TRIM54: variants seen among roughly 807,000 people sequenced by gnomAD.
TRIM54 encodes tripartite motif-containing protein 54.
A neutral mutation model predicts 42.0 loss-of-function variants in TRIM54; 40 were observed. The ratio of observed to expected loss-of-function variants is 0.95; its 90% CI spans 0.74 to 1.24. The LOEUF (loss-of-function observed/expected upper bound fraction) is 1.24, where lower values mean the gene tolerates loss of function less well. Among genes scored for constraint, TRIM54 ranks in the 50% most tolerant of loss-of-function variants. The pLI, the probability that TRIM54 is intolerant of heterozygous loss-of-function variation, is 0.00. For synonymous variants in TRIM54, 199 were observed against 194.9 expected (o/e 1.02, Z -0.17); for missense variants, 485 against 480.3 (o/e 1.01, Z -0.09).
Position 27,304,959 on chromosome 2 carries a change from A to G in TRIM54, c.514A>G (p.Ser172Gly). ...GAGTGCTGACCTGTGTGTGTATCAG[A>G]GTGAGCTCAGCGATGGCATCGCGAT... ...PLPTIYKRQK[S>G]ELSDGIAMLV... Residue 172 changes from serine to glycine, a missense_variant and splice_region_variant, in exon 4 of 9, where the codon AGT (serine) becomes GGT (glycine). Transcript: ENST00000380075. 1 of 1,613,832 alleles carries G rather than the reference A, an allele frequency of 6.2e-7. No homozygotes were observed. The highest frequency in any genetic ancestry group is 8.5e-7 in the Non-Finnish European group (1 of 1,179,860).
At chr2:27,293,181 C>T (rs1363416269) in intron 1 of TRIM54, among the ~76,000 whole-genome samples, 1 of 152,172 alleles carries the variant, frequency 6.6e-6, no homozygotes, top group Non-Finnish European at 1.5e-5. Flanking sequence ...CTGCTTATCA[C>T]TCCCCTTTTA....
At chr2:27,285,991 G>A (rs1678546828) in intron 1 of TRIM54, among the ~76,000 whole-genome samples, 1 of 152,042 alleles carries the variant, frequency 6.6e-6, no homozygotes, top group Admixed American at 6.6e-5. Context: ...CACTTTGGGA[G>A]GCTGAGACAG....
chr2:27,306,975 G>A lies in TRIM54; in HGVS notation c.*90G>A, dbSNP rs1011125110. Reference sequence around the variant, plus strand: ...CCGCAGCATCACCCAAATCGGCGCCGGCCCCGGGAGGATCTCAATAAAGAA... The same window carrying A: ...CCGCAGCATCACCCAAATCGGCGCCAGCCCCGGGAGGATCTCAATAAAGAA... On this transcript the variant is annotated 3_prime_UTR_variant, in exon 9 of 9. Coordinates refer to ENST00000380075, the MANE Select transcript of TRIM54 (RefSeq NM_187841.3). This position sits in a 1 kb window ranked among gnomAD's most constrained non-coding sequence, Gnocchi z 6.1. 1.3e-5 allele frequency: 3 copies of A among 239,486 alleles called. No individual in the cohort carries two copies. Among genetic ancestry groups the A allele is most frequent in the Non-Finnish European group, 2.4e-5 (3 of 123,056 alleles). The allele number at this position is 239,486 out of a possible 1,614,324, so 14.8% of individuals were successfully genotyped here.
At chr2:27,283,784 GCACACACACACACACACA>G (rs3073589) in intron 1 of TRIM54, among the ~76,000 whole-genome samples, 1 of 132,168 alleles carries the variant, frequency 7.6e-6, no homozygotes, top group Admixed American at 7.6e-5. Flanking sequence ...ACACACGCGC[GCACACACACACACACACA>G]CACACACACA....
intron 1 of TRIM54, among the ~76,000 whole-genome samples, chr2:27,283,312 CA>C (rs1444032769): frequency 6.6e-6 from 1 of 152,090 alleles, no homozygotes; most frequent in Non-Finnish European, 1.5e-5. Flanking sequence ...AAAAAACAAA[CA>C]AACAAAACCC....
chr2:27,298,427 G>C, intron 1 of TRIM54, 140 bp from the exon 2 acceptor site: 1 of 654,796 alleles, frequency 1.5e-6, no homozygotes. Context: ...TCTCAGAGGT[G>C]GATCCAGCCA....
At chr2:27,290,210 TAAA>T (rs1362572005) in intron 1 of TRIM54, among the ~76,000 whole-genome samples, 1 of 152,040 alleles carries the variant, frequency 6.6e-6, no homozygotes, top group Non-Finnish European at 1.5e-5. Context: ...TTTTTTTAAT[TAAA>T]AAGTCTCCCA....
intron 5 of TRIM54, 26 bp downstream of exon 5, chr2:27,305,843 G>A (rs775946860): frequency 1.9e-5 from 30 of 1,542,074 alleles, no homozygotes; most frequent in South Asian, 7.1e-5. Context: ...GGGTGGCAGC[G>A]CTGCACAGTG....
chr2:27,283,993 C>G (rs546516887), intron 1 of TRIM54, among the ~76,000 whole-genome samples: 1 of 151,976 alleles, frequency 6.6e-6, no homozygotes, highest in African/African-American at 2.4e-5. Flanking sequence ...ATTAGCCGGG[C>G]GTGGTTGCAG....
chr2:27,300,452 G>A (rs1380862917), intron 3 of TRIM54, among the ~76,000 whole-genome samples: 13 of 150,558 alleles, frequency 8.6e-5, no homozygotes, highest in Admixed American at 2.0e-4. Flanking sequence ...GATTACAGGC[G>A]TGAGCCCCTG....
chr2:27,296,415 A>G (rs1372381195), intron 1 of TRIM54, among the ~76,000 whole-genome samples: 1 of 152,202 alleles, frequency 6.6e-6, no homozygotes, highest in East Asian at 1.9e-4. Flanking sequence ...AGTGGCAGAA[A>G]CCCCAGAATA....
In TRIM54 at chr2:27,283,786, A is replaced by G. The variant is rs796323586; in HGVS notation, c.168+887A>G. Among the ~76,000 whole-genome samples the G allele has an allele frequency of 7.5e-3, 632 of 84,392 alleles. 7 individuals are homozygous for G. Among genetic ancestry groups the G allele is most frequent in the South Asian group, 0.013 (27 of 2,124 alleles). The allele number at this position is 84,392 out of a possible 152,430, so 55.4% of individuals were successfully genotyped here. ...AAGGCACACACACACACACGCGCGCACACACACACACACACACACACACAC... is the reference window on the plus strand; with the variant it reads ...AAGGCACACACACACACACGCGCGCGCACACACACACACACACACACACAC... On this transcript the variant is annotated intron_variant, in intron 1 of 8. Transcript: ENST00000380075.
At position 27,306,253 on chromosome 2, in the gene TRIM54, G is replaced by C. The variant is rs145940986; in HGVS notation, c.907G>C (p.Glu303Gln). The C allele has an allele frequency of 6.2e-7, 1 of 1,614,020 alleles. No individual in the cohort carries two copies. Among genetic ancestry groups the C allele is most frequent in the African/African-American group, 1.3e-5 (1 of 74,938 alleles). Residue 303 changes from glutamate to glutamine, a missense_variant, in exon 7 of 9, where the codon GAG becomes CAG. Transcript: ENST00000380075. This position sits in a 1 kb window ranked among gnomAD's most constrained non-coding sequence, Gnocchi z 6.1. ...MSKVELAGRP[E>Q]PGYESMEQFT... ...GAAGGTGGAGCTGGCAGGGCGGCCG[G>C]AGCCAGGCTATGAGAGCATGGAGCA...
chr2:27,296,983 T>C (rs1678883883), intron 1 of TRIM54, among the ~76,000 whole-genome samples: 1 of 152,178 alleles, frequency 6.6e-6, no homozygotes, highest in Non-Finnish European at 1.5e-5. Flanking sequence ...GGTCTCAAAC[T>C]CCTGAGCTCA....
At chr2:27,291,541 C>T (rs1678720351) in intron 1 of TRIM54, among the ~76,000 whole-genome samples, 3 of 152,224 alleles carry the variant, frequency 2.0e-5, no homozygotes, top group South Asian at 2.1e-4. Context: ...AATCTTCATG[C>T]TTGTCATCAG....
intron 2 of TRIM54, 45 bp from the exon 3 acceptor site, chr2:27,299,200 C>T (rs1268874469): frequency 7.5e-6 from 12 of 1,605,606 alleles, no homozygotes; most frequent in Non-Finnish European, 1.0e-5. Flanking sequence ...ATTCCTAGGA[C>T]CCTTCATGCT....
intron 1 of TRIM54, among the ~76,000 whole-genome samples, chr2:27,284,793 G>T (rs1246006398): frequency 6.6e-6 from 1 of 152,158 alleles, no homozygotes; most frequent in Non-Finnish European, 1.5e-5. Flanking sequence ...AAGCTAAGGT[G>T]ATGTGTCCTG....
At chr2:27,305,940 C>T in intron 5 of TRIM54, 123 bp downstream of exon 5, 1 of 1,376,374 alleles carries the variant, frequency 7.3e-7, no homozygotes, top group Non-Finnish European at 1.0e-6. Flanking sequence ...GGGCAAGTCA[C>T]CCCCTCTGAG....
chr2:27,283,069 A>G (rs889853928), intron 1 of TRIM54, among the ~76,000 whole-genome samples, 170 bp downstream of exon 1: 1 of 152,178 alleles, frequency 6.6e-6, no homozygotes, highest in Non-Finnish European at 1.5e-5. Flanking sequence ...ATCCCAGAGC[A>G]AGCATGAGTC....
Sources: gnomAD v4.1 joint callset for allele counts (sites outside exome capture counted in the v4.1 genomes callset) on GRCh38, gnomAD v4.1.1 for gene constraint, Gnocchi (gnomAD v3.1) non-coding constraint, MANE v1.5 for transcripts, NCBI Gene and HGNC (gene_info 2026-07-23, HGNC 2026-07-21) for gene names.